Variants in ERC1 observed in about 807,000 individuals in gnomAD.
The protein encoded by ERC1 is RAB6 interacting protein 2.
ERC1 carries 56 observed loss-of-function variants against 132.0 expected under a neutral mutation model. The observed-to-expected ratio is 0.42, with a 90% CI of 0.34 to 0.53. The LOEUF (loss-of-function observed/expected upper bound fraction) is 0.53, where lower values mean the gene tolerates loss of function less well. ERC1 is among the 20% of genes least tolerant of loss of function. The pLI is 0.03. For missense variants in ERC1, 1,202 were observed against 1,349.9 expected, an observed-to-expected ratio of 0.89 and a Z score of 1.72; for synonymous variants, 478 against 476.1, an observed-to-expected ratio of 1.00 and a Z score of -0.05.
chr12:1,288,648 A>G (rs1335934484), intron 14 of ERC1, among the ~76,000 whole-genome samples: 3 of 152,064 alleles, frequency 2.0e-5, no homozygotes, highest in Non-Finnish European at 4.4e-5. Flanking sequence ...CTGATTTTTG[A>G]CTCTAGGTTT....
intron 17 of ERC1, among the ~76,000 whole-genome samples, chr12:1,411,182 G>T (rs1180490645): frequency 6.6e-6 from 1 of 152,190 alleles, no homozygotes; most frequent in Non-Finnish European, 1.5e-5. Context: ...TGGCTGGAAA[G>T]TATAGTCCAG....
intron 1 of ERC1, among the ~76,000 whole-genome samples, chr12:1,021,870 A>T (rs1966434889): frequency 6.6e-6 from 1 of 152,076 alleles, no homozygotes; most frequent in African/African-American, 2.4e-5. Context: ...GTGAGTAATA[A>T]AAGTTCTTTG....
At chr12:1,437,995 C>G (rs1449815267) in intron 17 of ERC1, among the ~76,000 whole-genome samples, 1 of 152,172 alleles carries the variant, frequency 6.6e-6, no homozygotes, top group African/African-American at 2.4e-5. Flanking sequence ...ACTTTTAGAA[C>G]CAGATATTTC....
chr12:993,119 AGT>A (rs1960002590), intron 1 of ERC1, among the ~76,000 whole-genome samples: 2 of 152,222 alleles, frequency 1.3e-5, no homozygotes, highest in Non-Finnish European at 2.9e-5. Context: ...TAAGTGAGAA[AGT>A]GTGTGTTCCA....
intron 8 of ERC1, among the ~76,000 whole-genome samples, chr12:1,144,613 G>GGTGTATATATATATATATATACGT (rs902535886): frequency 7.9e-6 from 1 of 126,252 alleles, no homozygotes; most frequent in African/African-American, 4.1e-5. Context: ...AGAATTTTGT[G>GGTGTATATATATATATATATACGT]GTATATATAT....
At position 1,261,580 on chromosome 12, in the gene ERC1, C is replaced by T. The variant is rs377296238; in HGVS notation, c.2488-1454C>T. ...CATCGTTCCTTGTCTCTGCGCGCGG[C>T]GTCCCTTTAAAACCCTCCACTGTAC... On this transcript the variant is annotated intron_variant, in intron 13 of 18. Coordinates refer to ENST00000360905, the MANE Select transcript of ERC1 (RefSeq NM_178040.4). Among the ~76,000 whole-genome samples the T allele has an allele frequency of 7.9e-5, 12 of 152,234 alleles. No homozygotes were observed. In the South Asian group the frequency reaches 2.3e-3, roughly 29 times the overall value.
chr12:1,308,024 A>G (rs2081011611), intron 15 of ERC1, among the ~76,000 whole-genome samples: 1 of 152,172 alleles, frequency 6.6e-6, no homozygotes, highest in South Asian at 2.1e-4. Flanking sequence ...CAAAGGTCAC[A>G]TTTGTGTGAA....
At chr12:1,044,414 G>A (rs1970760761) in intron 2 of ERC1, among the ~76,000 whole-genome samples, 1 of 152,154 alleles carries the variant, frequency 6.6e-6, no homozygotes, top group Non-Finnish European at 1.5e-5. Context: ...GACTAATGAA[G>A]TTCTTTTCAA....
intron 8 of ERC1, among the ~76,000 whole-genome samples, chr12:1,146,319 T>G (rs1236755130): frequency 7.5e-6 from 1 of 133,892 alleles, no homozygotes; most frequent in African/African-American, 3.4e-5. Flanking sequence ...TTTTTTTTTT[T>G]TTTTTTTTTT....
intron 14 of ERC1, among the ~76,000 whole-genome samples, chr12:1,266,195 T>C (rs2077465748): frequency 6.6e-6 from 1 of 152,126 alleles, no homozygotes; most frequent in Admixed American, 6.6e-5. Context: ...CTTTTCTGTT[T>C]TCTTGTCCAC....
intron 14 of ERC1, among the ~76,000 whole-genome samples, chr12:1,269,428 T>A (rs577962227): frequency 1.3e-5 from 2 of 152,228 alleles, no homozygotes; most frequent in African/African-American, 4.8e-5. Flanking sequence ...GGAGAAGAGC[T>A]GAACGTGTCT....
chr12:1,358,526 T>C (rs1295420260), intron 15 of ERC1, among the ~76,000 whole-genome samples: 1 of 152,210 alleles, frequency 6.6e-6, no homozygotes, highest in Admixed American at 6.5e-5. Context: ...TCAGCTCGTC[T>C]TCCTCTAAAA....
chr12:1,479,268 C>T (rs1240038384), intron 18 of ERC1, among the ~76,000 whole-genome samples: 1 of 152,158 alleles, frequency 6.6e-6, no homozygotes, highest in African/African-American at 2.4e-5. Flanking sequence ...TCTGGGCTCT[C>T]TGCATTTCCA....
intron 1 of ERC1, among the ~76,000 whole-genome samples, chr12:1,015,038 A>G (rs1965296692): frequency 1.3e-5 from 2 of 149,484 alleles, no homozygotes; most frequent in African/African-American, 2.5e-5. Context: ...TGTTGGGATT[A>G]CAGGCATGAC....
At chr12:1,206,957 T>C (rs1368408518) in intron 12 of ERC1, among the ~76,000 whole-genome samples, 2 of 152,114 alleles carry the variant, frequency 1.3e-5, no homozygotes, top group African/African-American at 4.8e-5. Flanking sequence ...CAGTAGGATA[T>C]AAATAACTAC....
At chr12:1,055,227 T>C (rs1972731923) in intron 2 of ERC1, among the ~76,000 whole-genome samples, 1 of 152,186 alleles carries the variant, frequency 6.6e-6, no homozygotes, top group Admixed American at 6.5e-5. Context: ...TCACCCAGGC[T>C]GGAGTGCAGT....
At chr12:1,242,344 A>G (rs2075865321) in intron 13 of ERC1, among the ~76,000 whole-genome samples, 1 of 152,188 alleles carries the variant, frequency 6.6e-6, no homozygotes, top group South Asian at 2.1e-4. Context: ...ATCTCCAGCC[A>G]GGAACTAAAT....
chr12:1,284,194 T>C (rs1298159603), intron 14 of ERC1, among the ~76,000 whole-genome samples: 1 of 152,002 alleles, frequency 6.6e-6, no homozygotes, highest in Non-Finnish European at 1.5e-5. Flanking sequence ...TCACTTAACA[T>C]AATGTTCTCC....
chr12:1,209,975 G>A (rs577554177), intron 12 of ERC1, among the ~76,000 whole-genome samples: 21 of 152,130 alleles, frequency 1.4e-4, no homozygotes, highest in Non-Finnish European at 3.1e-4. Flanking sequence ...TTTTCTATTG[G>A]CATGGGTACA....
Sources: gnomAD v4.1 joint callset for allele counts (sites outside exome capture counted in the v4.1 genomes callset) on GRCh38, gnomAD v4.1.1 for gene constraint, MANE v1.5 for transcripts, NCBI Gene and HGNC (gene_info 2026-07-23, HGNC 2026-07-21) for gene names.